CCNY: variants seen among roughly 807,000 people sequenced by gnomAD.
CCNY encodes the protein cyclin-Y.
In CCNY, 19 loss-of-function variants were observed where a neutral mutation model predicts 42.8. The observed-to-expected ratio is 0.44, with a 90% CI of 0.31 to 0.65. The LOEUF (loss-of-function observed/expected upper bound fraction) is 0.65. Ranked by LOEUF, CCNY falls within the 30% of genes least tolerant of loss-of-function variation. CCNY has a pLI of 0.07. For synonymous variants in CCNY, 165 were observed against 162.7 expected (o/e 1.01, Z -0.11); for missense variants, 370 against 437.3 (o/e 0.85, Z 1.37).
At chr10:35,264,892 G>C (rs1298215121) in intron 3 of CCNY, among the ~76,000 whole-genome samples, 1 of 152,188 alleles carries the variant, frequency 6.6e-6, no homozygotes, top group Non-Finnish European at 1.5e-5. Context: ...GCTTCCCAAA[G>C]TGCTGGGATT....
intron 3 of CCNY, among the ~76,000 whole-genome samples, chr10:35,273,787 T>C (rs1565060218): frequency 6.6e-6 from 1 of 152,202 alleles, no homozygotes; most frequent in Non-Finnish European, 1.5e-5. Flanking sequence ...GGAGGCTACA[T>C]TGTGAGTCTC....
chr10:35,443,306 T>G, intron 1 of CCNY, among the ~76,000 whole-genome samples: 1 of 152,280 alleles, frequency 6.6e-6, no homozygotes, highest in East Asian at 1.9e-4. Context: ...TTATAAACTT[T>G]AAATTTTTAA....
intron 1 of CCNY, among the ~76,000 whole-genome samples, chr10:35,463,169 A>C (rs1028098791): frequency 6.6e-6 from 1 of 152,242 alleles, no homozygotes; most frequent in Non-Finnish European, 1.5e-5. Context: ...TAGTTGTGCT[A>C]TGTGCTAGGA....
intron 1 of CCNY, among the ~76,000 whole-genome samples, chr10:35,382,633 C>T (rs1217018545): frequency 6.6e-6 from 1 of 152,122 alleles, no homozygotes; most frequent in Non-Finnish European, 1.5e-5. Flanking sequence ...CAGGACAGCC[C>T]CTCTACCCCT....
chr10:35,270,417 A>G (rs1198691324), intron 3 of CCNY, among the ~76,000 whole-genome samples: 1 of 152,180 alleles, frequency 6.6e-6, no homozygotes, highest in African/African-American at 2.4e-5. Flanking sequence ...GGAATTACCA[A>G]TGTGTCCTCC....
intron 1 of CCNY, among the ~76,000 whole-genome samples, chr10:35,443,863 C>G (rs761147042): frequency 2.6e-5 from 4 of 152,148 alleles, no homozygotes; most frequent in Admixed American, 6.5e-5. Context: ...TTGTTCTCCT[C>G]TATGTATGTC....
rs562102671 is a variant in CCNY at position 35,248,055 on chromosome 10, C to T, written c.-216-54C>T. ...CAGCAAGGCTGTTATTTCACCATCA[C>T]TTTATGTGCAACACTTGGGGTTCCT... On this transcript the variant is annotated intron_variant, in intron 1 of 11. Coordinates refer to the CCNY transcript ENST00000374706. The T allele has an allele frequency of 2.6e-5, 4 of 152,406 alleles. No individual in the cohort carries two copies. In the South Asian group the frequency reaches 6.2e-4, roughly 24 times the overall value. The allele number at this position is 152,406 out of a possible 1,614,324, so 9.4% of individuals were successfully genotyped here.
At chr10:35,487,495 G>A (rs1299624433) in intron 2 of CCNY, among the ~76,000 whole-genome samples, 1 of 152,032 alleles carries the variant, frequency 6.6e-6, no homozygotes, top group Non-Finnish European at 1.5e-5. Flanking sequence ...ACAAGTTGTC[G>A]GCCATGCATC....
intron 2 of CCNY, among the ~76,000 whole-genome samples, chr10:35,492,850 T>C (rs1004630650): frequency 6.6e-6 from 1 of 152,184 alleles, no homozygotes; most frequent in South Asian, 2.1e-4. Flanking sequence ...ACACATCCAT[T>C]ATTTAGGGAC....
intron 3 of CCNY, among the ~76,000 whole-genome samples, chr10:35,327,253 A>C (rs996503259): frequency 2.0e-5 from 3 of 152,206 alleles, no homozygotes; most frequent in Non-Finnish European, 4.4e-5. Context: ...ATCTCTTTGC[A>C]TATATATTCA....
chr10:35,464,151 A>T (rs1839210683), intron 1 of CCNY, among the ~76,000 whole-genome samples: 1 of 152,158 alleles, frequency 6.6e-6, no homozygotes, highest in African/African-American at 2.4e-5. Context: ...CCAGCAGCAT[A>T]TCCACCGCCG....
chr10:35,413,251 A>T (rs957066311), intron 1 of CCNY, among the ~76,000 whole-genome samples: 6 of 152,108 alleles, frequency 3.9e-5, no homozygotes, highest in African/African-American at 1.4e-4. Context: ...CACATTCCAG[A>T]CATATTTAGG....
intron 2 of CCNY, among the ~76,000 whole-genome samples, chr10:35,500,796 C>T (rs912685078): frequency 1.3e-5 from 2 of 152,230 alleles, no homozygotes; most frequent in African/African-American, 2.4e-5. Flanking sequence ...ACACTGGTAT[C>T]TGGGGACACT....
intron 1 of CCNY, among the ~76,000 whole-genome samples, chr10:35,409,057 A>C (rs183136774): frequency 4.7e-4 from 71 of 152,150 alleles, no homozygotes; most frequent in African/African-American, 1.7e-3. Context: ...GTAATAGCTT[A>C]TTACTGGGCA....
At chr10:35,350,919 A>G (rs540520094) in intron 1 of CCNY, among the ~76,000 whole-genome samples, 11 of 152,338 alleles carry the variant, frequency 7.2e-5, no homozygotes, top group Non-Finnish European at 1.5e-4. Context: ...GTCTCTAAGT[A>G]TATTTGAACC....
At chr10:35,300,207 C>T (rs146836410) in intron 3 of CCNY, among the ~76,000 whole-genome samples, 1,747 of 152,304 alleles carry the variant, frequency 0.011, 19 homozygotes, top group Middle Eastern at 0.041. Context: ...CTCTGTCTAG[C>T]TTACTCATCT....
intron 3 of CCNY, among the ~76,000 whole-genome samples, chr10:35,275,056 CTTTTT>C (rs34467762): frequency 1.5e-5 from 1 of 64,884 alleles, no homozygotes; most frequent in Non-Finnish European, 2.6e-5. Flanking sequence ...ACCGTCATTC[CTTTTT>C]TTTTTTTTTT....
At chr10:35,534,373 TCACTC>T (rs1366640773) in intron 7 of CCNY, among the ~76,000 whole-genome samples, 2 of 152,178 alleles carry the variant, frequency 1.3e-5, no homozygotes, top group Non-Finnish European at 2.9e-5. Context: ...TTCGGGGACA[TCACTC>T]AACTGAACCT....
chr10:35,552,967 G>T (rs1325030344), intron 7 of CCNY, 52 bp from the exon 8 acceptor site: 1 of 1,547,042 alleles, frequency 6.5e-7, no homozygotes, highest in Non-Finnish European at 8.9e-7. Flanking sequence ...AGGTGTGCTG[G>T]TGTTTAGGAG....
Sources: allele counts gnomAD v4.1 joint callset (sites outside exome capture counted in the v4.1 genomes callset), GRCh38; gene constraint gnomAD v4.1.1; transcripts MANE v1.5; gene names NCBI Gene and HGNC (gene_info 2026-07-23, HGNC 2026-07-21).